Variants in FAIM observed in about 807,000 individuals in gnomAD.
FAIM encodes the protein Fas apoptotic inhibitory molecule.
A neutral mutation model predicts 21.2 loss-of-function variants in FAIM; 14 were observed. The observed-to-expected ratio is 0.66, with a 90% CI of 0.44 to 1.03. FAIM has a LOEUF of 1.03. Ranked by LOEUF, FAIM falls within the 50% of genes least tolerant of loss-of-function variation. The probability of loss-of-function intolerance (pLI) is 0.00; values close to 1 mark genes in which losing one functional copy is unlikely to be tolerated. For synonymous variants in FAIM, 86 were observed against 80.4 expected (o/e 1.07, Z -0.37); for missense variants, 222 against 247.1 (o/e 0.90, Z 0.68).
At chr3:138,623,224 T>C (rs1001905343) in intron 4 of FAIM, among the ~76,000 whole-genome samples, 1 of 150,786 alleles carries the variant, frequency 6.6e-6, no homozygotes, top group Non-Finnish European at 1.5e-5. Context: ...TTTTGAAGAG[T>C]TTTTTTTGTT....
chr3:138,626,769 T>C (rs573889081), intron 4 of FAIM, among the ~76,000 whole-genome samples: 4 of 152,330 alleles, frequency 2.6e-5, no homozygotes, highest in Admixed American at 6.5e-5. Context: ...GTCATCTTAA[T>C]AGATTTTGCC....
chr3:138,629,097 A>G lies in FAIM; in HGVS notation c.407-10A>G, dbSNP rs2042973594. Reference sequence around the variant, plus strand: ...AATTATAACTTAAAGTTTTTATGTTACCTTTACAGAAAAAGATGCTATGGA... The same window carrying G: ...AATTATAACTTAAAGTTTTTATGTTGCCTTTACAGAAAAAGATGCTATGGA... On this transcript the variant is annotated splice_polypyrimidine_tract_variant and intron_variant, in intron 4 of 5. Coordinates refer to ENST00000360570, the MANE Select transcript of FAIM (RefSeq NM_001033031.2). 3 of 1,595,108 alleles carry G rather than the reference A, an allele frequency of 1.9e-6. No homozygotes were observed. Among genetic ancestry groups the G allele is most frequent in the South Asian group, 1.1e-5 (1 of 88,564 alleles).
chr3:138,630,572 G>C (rs1479935458), intron 5 of FAIM: 1 of 152,170 alleles, frequency 6.6e-6, no homozygotes, highest in African/African-American at 2.4e-5. Flanking sequence ...CTGTTCTCTG[G>C]GTTAAATCTA....
At chr3:138,619,391 C>G (rs376925661) in intron 1 of FAIM, among the ~76,000 whole-genome samples, 2 of 152,190 alleles carry the variant, frequency 1.3e-5, no homozygotes, top group Non-Finnish European at 2.9e-5. Context: ...TCTTAGGTCT[C>G]TTGCAGCTCT....
chr3:138,626,709 A>C (rs1327678588), intron 4 of FAIM, among the ~76,000 whole-genome samples: 1 of 152,208 alleles, frequency 6.6e-6, no homozygotes, highest in African/African-American at 2.4e-5. Flanking sequence ...CATTTCTGGA[A>C]GTAGGAAAGT....
At chr3:138,626,863 C>G (rs2042944451) in intron 4 of FAIM, among the ~76,000 whole-genome samples, 1 of 152,134 alleles carries the variant, frequency 6.6e-6, no homozygotes, top group African/African-American at 2.4e-5. Flanking sequence ...TGTAGCCAAA[C>G]TTTTGGATTT....
At chr3:138,629,601 T>C (rs2042981447) in intron 5 of FAIM, 1 of 154,648 alleles carries the variant, frequency 6.5e-6, no homozygotes, top group Admixed American at 6.5e-5. Flanking sequence ...CTGCTAATGC[T>C]ACTGGTCCAC....
At chr3:138,629,718 G>C (rs1474900237) in intron 5 of FAIM, 2 of 152,180 alleles carry the variant, frequency 1.3e-5, no homozygotes, top group African/African-American at 4.8e-5. Flanking sequence ...TGACACGAAG[G>C]TAGACGAACA....
At chr3:138,626,781 A>G (rs1027545528) in intron 4 of FAIM, among the ~76,000 whole-genome samples, 2 of 152,118 alleles carry the variant, frequency 1.3e-5, no homozygotes, top group Non-Finnish European at 2.9e-5. Context: ...GATTTTGCCC[A>G]TTTGCCTTCC....
chr3:138,629,162 T>G lies in FAIM; in HGVS notation c.456+6T>G, dbSNP rs370162510. The G allele has an allele frequency of 2.5e-6, 4 of 1,607,492 alleles. No individual in the cohort carries two copies. Among genetic ancestry groups the G allele is most frequent in the East Asian group, 2.2e-5 (1 of 44,832 alleles). On this transcript the variant is annotated splice_donor_region_variant and intron_variant, in intron 5 of 5. Coordinates refer to ENST00000360570, the MANE Select transcript of FAIM (RefSeq NM_001033031.2). Reference sequence around the variant, plus strand: ...GTAAAAAATTGGAGACAGCGGTAAGTTGACTATTTGATGACTCTAAGTGCC... The same window carrying G: ...GTAAAAAATTGGAGACAGCGGTAAGGTGACTATTTGATGACTCTAAGTGCC...
At chr3:138,610,844 A>G (rs2042759766) in intron 1 of FAIM, 1 of 830,466 alleles carries the variant, frequency 1.2e-6, no homozygotes, top group Admixed American at 2.0e-5. Context: ...TGACCTCCCA[A>G]AGTGCTGGGA....
chr3:138,622,115 C>A, intron 3 of FAIM, 73 bp from the exon 4 acceptor site: 1 of 1,253,450 alleles, frequency 8.0e-7, no homozygotes, highest in Non-Finnish European at 1.1e-6. Context: ...CCTTTGTTCA[C>A]TTTACGTTAT....
Position 138,622,190 on chromosome 3 carries a change from A to G in FAIM, c.180A>G (p.Glu60=). 1 of 1,593,034 alleles carries G rather than the reference A, an allele frequency of 6.3e-7. No homozygotes were observed. Among genetic ancestry groups the G allele is most frequent in the Non-Finnish European group, 8.5e-7 (1 of 1,170,692 alleles). The change falls in exon 4 of 6, where the codon GAA becomes GAG. Residue 60 remains glutamate, a splice_region_variant and synonymous_variant. Transcript: ENST00000360570. ...TATTTTTCTGTTTTATTATGTAGGA[A>G]GAGATAAGAAAAGAGTGGATGTTCA... ...GKRVVYVDGK[E]EIRKEWMFKL... is the part of the protein sequence containing the mutation.
In FAIM at chr3:138,620,059, T is replaced by C. The variant is rs980625075; in HGVS notation, c.44+289T>C. 9.2e-5 allele frequency among the ~76,000 whole-genome samples: 14 copies of C among 152,174 alleles called. 1 individual carries two copies. The highest frequency in any genetic ancestry group is 2.4e-5 in the African/African-American group (1 of 41,444). On this transcript the variant is annotated intron_variant, in intron 2 of 5. Transcript: ENST00000360570. ...AAAATGATATAAAATCCATTTACCATCTTCAGTTTAGAGCGTACAGAGGAG... is the reference window on the plus strand; with the variant it reads ...AAAATGATATAAAATCCATTTACCACCTTCAGTTTAGAGCGTACAGAGGAG...
intron 4 of FAIM, among the ~76,000 whole-genome samples, chr3:138,627,242 T>C (rs189843345): frequency 4.9e-4 from 74 of 151,268 alleles, no homozygotes; most frequent in African/African-American, 1.7e-3. Context: ...AGTGCAGTGG[T>C]GCAATTTTGG....
At chr3:138,630,185 T>G (rs1185001379) in intron 5 of FAIM, 2 of 152,214 alleles carry the variant, frequency 1.3e-5, no homozygotes, top group Non-Finnish European at 2.9e-5. Context: ...TTGTATAGTA[T>G]AGGTTTAAGA....
At chr3:138,628,586 G>A (rs1193596585) in intron 4 of FAIM, among the ~76,000 whole-genome samples, 1 of 151,854 alleles carries the variant, frequency 6.6e-6, no homozygotes, top group Non-Finnish European at 1.5e-5. Context: ...CCAGGTTCAC[G>A]CCATTCTCCT....
In FAIM at chr3:138,623,174, T is replaced by C. The variant is rs1016865368; in HGVS notation, c.406+758T>C. The stretch of plus-strand genomic sequence containing the variant: ...AATATTTTCCTAGATAACAATAGGC[T>C]TAGGACTGCATCAGATCAAAATTAT... On this transcript the variant is annotated intron_variant, in intron 4 of 5. Coordinates refer to ENST00000360570, the MANE Select transcript of FAIM (RefSeq NM_001033031.2). Among the ~76,000 whole-genome samples the C allele has an allele frequency of 2.7e-4, 41 of 152,302 alleles. No homozygotes were observed. In the East Asian group the frequency reaches 7.9e-3, roughly 29 times the overall value.
chr3:138,631,695 G>A (rs962080566), intron 5 of FAIM, among the ~76,000 whole-genome samples: 2 of 152,066 alleles, frequency 1.3e-5, no homozygotes, highest in Non-Finnish European at 2.9e-5. Flanking sequence ...AAAGCATCGT[G>A]CCAAAATTAT....
Sources: allele counts gnomAD v4.1 joint callset (sites outside exome capture counted in the v4.1 genomes callset), GRCh38; gene constraint gnomAD v4.1.1; transcripts MANE v1.5; gene names NCBI Gene and HGNC (gene_info 2026-07-23, HGNC 2026-07-21).